Variants in PGBD5 observed in about 807,000 individuals in gnomAD.
The protein encoded by PGBD5 is piggyBac transposable element-derived protein 5.
A neutral mutation model predicts 47.9 loss-of-function variants in PGBD5; 14 were observed. That is an observed-to-expected ratio of 0.29 (90% CI 0.19 to 0.46). The LOEUF (loss-of-function observed/expected upper bound fraction) is 0.46, where lower values mean the gene tolerates loss of function less well. Among genes scored for constraint, PGBD5 ranks in the 20% least tolerant of loss-of-function variants. PGBD5 has a pLI of 1.00. For missense variants in PGBD5, 635 were observed against 716.0 expected (o/e 0.89, Z 1.29); for synonymous variants, 316 against 306.3 (o/e 1.03, Z -0.33).
intron 4 of PGBD5, among the ~76,000 whole-genome samples, chr1:230,336,456 C>T (rs1029042491): frequency 1.2e-4 from 18 of 152,314 alleles, no homozygotes; most frequent in Middle Eastern, 6.8e-3. Context: ...GGGGAGCAGG[C>T]ACTTTTTGTG....
chr1:230,393,757 G>A (rs551998974), intron 1 of PGBD5, among the ~76,000 whole-genome samples: 74 of 151,348 alleles, frequency 4.9e-4, no homozygotes, highest in African/African-American at 1.7e-3. Context: ...CCCGGGAAGC[G>A]GAGCTTGCAG....
At chr1:230,414,270 C>G (rs551810890) in intron 1 of PGBD5, among the ~76,000 whole-genome samples, 3 of 152,132 alleles carry the variant, frequency 2.0e-5, no homozygotes, top group Non-Finnish European at 4.4e-5. Context: ...CTGTGCACAT[C>G]GCAATGCCTT....
intron 1 of PGBD5, among the ~76,000 whole-genome samples, chr1:230,370,343 C>T (rs1336416664): frequency 6.6e-6 from 1 of 152,212 alleles, no homozygotes; most frequent in Non-Finnish European, 1.5e-5. Flanking sequence ...TCAGGTCCCA[C>T]TGTCCCCTCC....
At chr1:230,345,067 A>C (rs1667456532) in intron 3 of PGBD5, among the ~76,000 whole-genome samples, 1 of 152,226 alleles carries the variant, frequency 6.6e-6, no homozygotes, top group Non-Finnish European at 1.5e-5. Context: ...AACGTGTTCA[A>C]ACAGGAGAAA....
At chr1:230,353,108 T>C (rs1667583378) in intron 2 of PGBD5, among the ~76,000 whole-genome samples, 1 of 152,238 alleles carries the variant, frequency 6.6e-6, no homozygotes, top group African/African-American at 2.4e-5. Flanking sequence ...AAATGAATTA[T>C]GAATATGTCA....
intron 1 of PGBD5, among the ~76,000 whole-genome samples, chr1:230,370,885 G>A (rs1571845486): frequency 6.6e-6 from 1 of 152,212 alleles, no homozygotes; most frequent in African/African-American, 2.4e-5. Flanking sequence ...CTGGTCCCAT[G>A]TATTAGATAG....
chr1:230,338,739 G>A (rs1384927226), intron 3 of PGBD5, among the ~76,000 whole-genome samples: 1 of 152,146 alleles, frequency 6.6e-6, no homozygotes, highest in Admixed American at 6.5e-5. Context: ...GGTGGAGGTT[G>A]CAGTGAGCTG....
In PGBD5 at chr1:230,412,597, C is replaced by G. The variant is rs538166169; in HGVS notation, c.331+13001G>C. Among the ~76,000 whole-genome samples, 3 of 152,104 alleles carry G rather than the reference C, an allele frequency of 2.0e-5. No individual in the cohort carries two copies. The South Asian group carries it at 6.3e-4, about 32-fold the overall frequency. ...TAGAGATGGGGTTTCACCATGTTAG[C>G]CAGGATGGTCTCAATCTCCTGACCT... On this transcript the variant is annotated intron_variant, in intron 1 of 6. Transcript: ENST00000391860.
At position 230,315,770 on chromosome 1, in the gene PGBD5, A is replaced by G. The variant is rs892623426; in HGVS notation, c.*7655T>C. 17 of 93,968 alleles carry G rather than the reference A, an allele frequency of 1.8e-4. No individual in the cohort carries two copies. The highest frequency in any genetic ancestry group is 3.2e-4 in the African/African-American group (10 of 30,902). 5.8% of individuals were successfully genotyped at this position (93,968 alleles called of 1,614,324 possible). A position where few individuals can be genotyped will look rare whatever the true frequency, so the allele number is the denominator to read the frequency against. ...GTATATATACACATACATATATTAT[A>G]GATGTATGCATATATGTATATATGT... On this transcript the variant is annotated 3_prime_UTR_variant, in exon 7 of 7. Coordinates refer to ENST00000391860, the MANE Select transcript of PGBD5 (RefSeq NM_001258311.2).
chr1:230,382,697 C>A (rs761146420), intron 1 of PGBD5, among the ~76,000 whole-genome samples: 3 of 152,114 alleles, frequency 2.0e-5, no homozygotes, highest in African/African-American at 4.8e-5. Flanking sequence ...GGTGTTCAGG[C>A]ATCTTTAGAT....
chr1:230,389,061 C>A (rs1390813301), intron 1 of PGBD5, among the ~76,000 whole-genome samples: 1 of 152,200 alleles, frequency 6.6e-6, no homozygotes, highest in Non-Finnish European at 1.5e-5. Flanking sequence ...TGCAAGGAGA[C>A]AAGGTATGTG....
intron 1 of PGBD5, among the ~76,000 whole-genome samples, chr1:230,365,129 C>G (rs557593636): frequency 4.6e-5 from 7 of 151,140 alleles, no homozygotes; most frequent in African/African-American, 1.5e-4. Context: ...CTGGCTAACA[C>G]GGTGAAACCC....
At chr1:230,365,312 C>CAAA (rs34846205) in intron 1 of PGBD5, among the ~76,000 whole-genome samples, 24 of 115,730 alleles carry the variant, frequency 2.1e-4, no homozygotes, top group African/African-American at 6.3e-4. Flanking sequence ...GACTCCATCT[C>CAAA]AAAAAAAAAA....
chr1:230,390,232 T>C (rs1301547285), intron 1 of PGBD5, among the ~76,000 whole-genome samples: 2 of 152,094 alleles, frequency 1.3e-5, no homozygotes, highest in Non-Finnish European at 2.9e-5. Flanking sequence ...CCAATCCAGT[T>C]CCATGGTGAG....
chr1:230,412,469 G>A (rs112027642), intron 1 of PGBD5, among the ~76,000 whole-genome samples: 6 of 149,194 alleles, frequency 4.0e-5, no homozygotes, highest in Admixed American at 1.3e-4. Context: ...GCTCACTGCA[G>A]GCTCCACCTT....
intron 1 of PGBD5, among the ~76,000 whole-genome samples, chr1:230,414,719 T>C (rs1170910192): frequency 2.6e-5 from 4 of 152,172 alleles, no homozygotes; most frequent in Non-Finnish European, 1.5e-5. Context: ...AGCTGAAATA[T>C]CAGCACTAAA....
intron 4 of PGBD5, 39 bp downstream of exon 4, chr1:230,337,069 G>A (rs751932501): frequency 1.3e-6 from 2 of 1,597,660 alleles, no homozygotes; most frequent in African/African-American, 1.3e-5. Flanking sequence ...TCCCAGGGGA[G>A]GCTGGGCCGT....
intron 1 of PGBD5, among the ~76,000 whole-genome samples, chr1:230,386,568 T>C (rs1439311423): frequency 6.6e-6 from 1 of 152,230 alleles, no homozygotes; most frequent in Non-Finnish European, 1.5e-5. Context: ...GTTGTCTTTA[T>C]CAATCTTTGA....
intron 1 of PGBD5, among the ~76,000 whole-genome samples, chr1:230,418,378 G>A (rs1054278090): frequency 1.3e-5 from 2 of 152,328 alleles, no homozygotes; most frequent in East Asian, 3.9e-4. Flanking sequence ...ATGCGATATG[G>A]ATGAATCTTA....
Sources: gnomAD v4.1 joint callset for allele counts (sites outside exome capture counted in the v4.1 genomes callset) on GRCh38, gnomAD v4.1.1 for gene constraint, MANE v1.5 for transcripts, NCBI Gene and HGNC (gene_info 2026-07-23, HGNC 2026-07-21) for gene names.